Variants in MORC1 observed in about 807,000 individuals in gnomAD.
The protein encoded by MORC1 is MORC family CW-type zinc finger protein 1.
Under a neutral mutation model 134.9 loss-of-function variants are expected in MORC1, and 59 were observed. That is an observed-to-expected ratio of 0.44 (90% confidence interval 0.35 to 0.54). MORC1 has a LOEUF of 0.54. Among genes scored for constraint, MORC1 ranks in the 20% least tolerant of loss-of-function variants. MORC1 has a pLI of 0.00. For synonymous variants in MORC1, 395 were observed against 391.7 expected, an observed-to-expected ratio of 1.01 and a Z score of -0.10; for missense variants, 947 against 1,134.5, an observed-to-expected ratio of 0.83 and a Z score of 2.37.
At chr3:109,059,596 C>T (rs1950034291) in intron 12 of MORC1, among the ~76,000 whole-genome samples, 1 of 151,944 alleles carries the variant, frequency 6.6e-6, no homozygotes, top group African/African-American at 2.4e-5. Context: ...ATTATGTAGA[C>T]ACACGTGTAC....
chr3:108,979,228 T>C (rs1411182582), intron 24 of MORC1, among the ~76,000 whole-genome samples: 1 of 152,096 alleles, frequency 6.6e-6, no homozygotes, highest in African/African-American at 2.4e-5. Context: ...AGAGCCTTTG[T>C]TGGGGAAAAA....
chr3:109,108,573 T>C (rs1008275682), intron 3 of MORC1, among the ~76,000 whole-genome samples: 3 of 151,948 alleles, frequency 2.0e-5, no homozygotes, highest in Admixed American at 6.6e-5. Flanking sequence ...TCTTGTAAGG[T>C]ATTTCTGGAA....
chr3:109,061,829 C>T lies in MORC1; in HGVS notation c.966+159G>A, dbSNP rs115126996. ...CTGAGTTTCCTCTCCTTTCTCTGAACTCATCTATTCTGTTTACCTGAGTTA... is the reference window on the plus strand; with the variant it reads ...CTGAGTTTCCTCTCCTTTCTCTGAATTCATCTATTCTGTTTACCTGAGTTA... On this transcript the variant is annotated intron_variant, in intron 11 of 27. Transcript: ENST00000232603. 5.1e-3 allele frequency among the ~76,000 whole-genome samples: 780 copies of T among 152,316 alleles called. 18 individuals carry two copies. The highest frequency in any genetic ancestry group is 0.018 in the African/African-American group (748 of 41,562).
intron 14 of MORC1, among the ~76,000 whole-genome samples, chr3:109,044,201 T>C (rs1198936435): frequency 6.6e-6 from 1 of 152,186 alleles, no homozygotes; most frequent in Admixed American, 6.5e-5. Context: ...ATGTATGGAA[T>C]ACTTTATTCA....
chr3:109,034,057 C>G (rs1028863726), intron 15 of MORC1, among the ~76,000 whole-genome samples: 1 of 152,130 alleles, frequency 6.6e-6, no homozygotes, highest in Admixed American at 6.5e-5. Flanking sequence ...ATTATACCTT[C>G]TAAGTAACTG....
At chr3:108,985,737 TTAAA>T (rs1313378421) in intron 22 of MORC1, among the ~76,000 whole-genome samples, 1 of 152,214 alleles carries the variant, frequency 6.6e-6, no homozygotes, top group East Asian at 1.9e-4. Flanking sequence ...GTATTTAAAA[TTAAA>T]TATTAATTTT....
chr3:109,114,372 G>A lies in MORC1; in HGVS notation c.119+12C>T, dbSNP rs1332266362. ...ATTCCCTCAGTAACTGTTGTTTACA[G>A]ATAAACCTTACCTTGCATTGTCCAG... On this transcript the variant is annotated intron_variant, in intron 2 of 27. Transcript: ENST00000232603. The A allele has an allele frequency of 2.5e-6, 4 of 1,606,086 alleles. No homozygotes were observed. The highest frequency in any genetic ancestry group is 2.6e-6 in the Non-Finnish European group (3 of 1,173,962).
chr3:109,009,839 A>G (rs947014500), intron 17 of MORC1, among the ~76,000 whole-genome samples: 2 of 152,090 alleles, frequency 1.3e-5, no homozygotes, highest in Non-Finnish European at 2.9e-5. Context: ...TTCAAGTTTT[A>G]CCGTTTTCCT....
intron 20 of MORC1, among the ~76,000 whole-genome samples, chr3:109,001,136 A>C (rs576757726): frequency 1.2e-4 from 18 of 151,590 alleles, no homozygotes; most frequent in African/African-American, 2.4e-4. Flanking sequence ...CTTTCTTTTT[A>C]TTTTTATTTT....
chr3:109,044,851 AG>A (rs5851635), intron 14 of MORC1, among the ~76,000 whole-genome samples: 49,513 of 150,320 alleles, frequency 0.33, 9,671 homozygotes, highest in East Asian at 0.73. Flanking sequence ...AGGCTTAGGC[AG>A]GAGAATTGCT....
chr3:109,005,014 G>A (rs1248576364), intron 19 of MORC1, 56 bp downstream of exon 19: 2 of 1,579,688 alleles, frequency 1.3e-6, no homozygotes, highest in Non-Finnish European at 1.7e-6. Flanking sequence ...AACCTTGACT[G>A]AATGCTATTT....
intron 14 of MORC1, among the ~76,000 whole-genome samples, chr3:109,052,091 A>G (rs535363306): frequency 2.6e-4 from 40 of 152,330 alleles, no homozygotes; most frequent in African/African-American, 8.9e-4. Context: ...TCAAATGCTT[A>G]ATGTTTTCCT....
chr3:109,042,580 T>A (rs182528953), intron 14 of MORC1, among the ~76,000 whole-genome samples: 2 of 152,358 alleles, frequency 1.3e-5, no homozygotes, highest in South Asian at 2.1e-4. Context: ...CTCTTCTGTA[T>A]ATTTATCCAA....
intron 14 of MORC1, among the ~76,000 whole-genome samples, chr3:109,038,075 C>T (rs1949421345): frequency 6.6e-6 from 1 of 152,180 alleles, no homozygotes; most frequent in Admixed American, 6.5e-5. Context: ...TAAAAGCATT[C>T]CTATTTCTCC....
chr3:109,065,703 G>GAC (rs1189769870), intron 9 of MORC1, among the ~76,000 whole-genome samples: 1 of 152,118 alleles, frequency 6.6e-6, no homozygotes, highest in African/African-American at 2.4e-5. Flanking sequence ...TGCCCCAAAA[G>GAC]ACACACACAC....
At chr3:109,012,209 T>C (rs1006977328) in intron 17 of MORC1, among the ~76,000 whole-genome samples, 6 of 152,204 alleles carry the variant, frequency 3.9e-5, no homozygotes, top group African/African-American at 1.2e-4. Flanking sequence ...AAGATTCTTA[T>C]TCTCTCATTA....
At chr3:108,994,164 G>T (rs573442146) in intron 21 of MORC1, among the ~76,000 whole-genome samples, 1 of 152,034 alleles carries the variant, frequency 6.6e-6, no homozygotes, top group African/African-American at 2.4e-5. Flanking sequence ...TCTTTCTTGA[G>T]CCTCAGAAAG....
At chr3:108,982,547 G>A (rs1366878397) in intron 23 of MORC1, among the ~76,000 whole-genome samples, 2 of 150,290 alleles carry the variant, frequency 1.3e-5, no homozygotes, top group African/African-American at 4.9e-5. Context: ...TTGGACACAG[G>A]GTGGGGAACA....
At chr3:109,049,075 T>C (rs1449971673) in intron 14 of MORC1, 1 of 891,584 alleles carries the variant, frequency 1.1e-6, no homozygotes, top group Non-Finnish European at 1.3e-6. Context: ...TCAGACTACA[T>C]CTGCAAATAA....
Sources: gnomAD v4.1 joint callset for allele counts (sites outside exome capture counted in the v4.1 genomes callset) on GRCh38, gnomAD v4.1.1 for gene constraint, MANE v1.5 for transcripts, NCBI Gene and HGNC (gene_info 2026-07-23, HGNC 2026-07-21) for gene names.